The following ZFYVE9 variants were observed in gnomAD, a reference collection of about 807,000 sequenced individuals.
ZFYVE9 encodes the protein zinc finger FYVE domain-containing protein 9.
ZFYVE9 carries 43 observed loss-of-function variants against 126.7 expected under a neutral mutation model. The observed-to-expected ratio is 0.34, with a 90% CI of 0.27 to 0.44. The LOEUF (loss-of-function observed/expected upper bound fraction) is 0.44, where lower values mean the gene tolerates loss of function less well. ZFYVE9 is among the 20% of genes least tolerant of loss of function. The pLI is 1.00. For synonymous variants in ZFYVE9, 521 were observed against 597.4 expected (o/e 0.87, Z 1.87); for missense variants, 1,476 against 1,697.0 (o/e 0.87, Z 2.29).
At chr1:52,152,732 G>T (rs992978029) in intron 1 of ZFYVE9, among the ~76,000 whole-genome samples, 2 of 152,106 alleles carry the variant, frequency 1.3e-5, no homozygotes, top group Non-Finnish European at 2.9e-5. Context: ...TAACTTCTTT[G>T]TGCTTCAGTT....
intron 4 of ZFYVE9, among the ~76,000 whole-genome samples, chr1:52,249,438 A>G (rs1645422136): frequency 6.6e-6 from 1 of 152,148 alleles, no homozygotes; most frequent in Admixed American, 6.6e-5. Flanking sequence ...CTCTATATTA[A>G]AAATCTTTGG....
At chr1:52,322,543 A>G (rs994137206) in intron 13 of ZFYVE9, among the ~76,000 whole-genome samples, 2 of 150,286 alleles carry the variant, frequency 1.3e-5, no homozygotes, top group Non-Finnish European at 1.5e-5. Flanking sequence ...ATGCCCGGCT[A>G]ATTTTTGTGT....
chr1:52,227,627 TA>T (rs1173621048), intron 2 of ZFYVE9, among the ~76,000 whole-genome samples: 1 of 152,246 alleles, frequency 6.6e-6, no homozygotes, highest in Non-Finnish European at 1.5e-5. Flanking sequence ...AAAACACTGT[TA>T]AAACTCATAG....
At chr1:52,152,140 C>A (rs1644363668) in intron 1 of ZFYVE9, among the ~76,000 whole-genome samples, 1 of 152,194 alleles carries the variant, frequency 6.6e-6, no homozygotes, top group South Asian at 2.1e-4. Flanking sequence ...CAGGCATGCA[C>A]CACCATGTCT....
chr1:52,335,363 A>G (rs897353370), intron 15 of ZFYVE9, among the ~76,000 whole-genome samples: 1 of 152,222 alleles, frequency 6.6e-6, no homozygotes, highest in Non-Finnish European at 1.5e-5. Flanking sequence ...ACACTGCTTC[A>G]TGATGTTTGG....
At chr1:52,269,393 G>T (rs1002091087) in intron 7 of ZFYVE9, among the ~76,000 whole-genome samples, 1 of 152,022 alleles carries the variant, frequency 6.6e-6, no homozygotes, top group Non-Finnish European at 1.5e-5. Context: ...GCCTCCCAAA[G>T]TGCTAGGATT....
At chr1:52,234,941 C>G (rs887085712) in intron 3 of ZFYVE9, among the ~76,000 whole-genome samples, 7 of 152,176 alleles carry the variant, frequency 4.6e-5, no homozygotes, top group Non-Finnish European at 7.3e-5. Flanking sequence ...TACTATGCTT[C>G]TAGAATACCA....
At chr1:52,173,889 C>T (rs925707949) in intron 1 of ZFYVE9, among the ~76,000 whole-genome samples, 6 of 152,006 alleles carry the variant, frequency 3.9e-5, no homozygotes, top group South Asian at 2.1e-4. Flanking sequence ...TGATTCTTCC[C>T]TCTTTTTTTC....
chr1:52,184,727 G>A (rs1644748662), intron 1 of ZFYVE9, among the ~76,000 whole-genome samples: 1 of 152,044 alleles, frequency 6.6e-6, no homozygotes, highest in Non-Finnish European at 1.5e-5. Context: ...AGCTGCTAAT[G>A]TTCAGTGTAA....
At chr1:52,159,053 A>G (rs1246116627) in intron 1 of ZFYVE9, among the ~76,000 whole-genome samples, 1 of 152,124 alleles carries the variant, frequency 6.6e-6, no homozygotes, top group African/African-American at 2.4e-5. Flanking sequence ...CGGCCTCCCA[A>G]ACTGCTGGGA....
chr1:52,255,981 T>TTCCTTCCTTCC (rs1645512686), intron 4 of ZFYVE9, among the ~76,000 whole-genome samples: 29 of 115,688 alleles, frequency 2.5e-4, no homozygotes, highest in African/African-American at 9.9e-4. Context: ...TCTTTCTTTC[T>TTCCTTCCTTCC]TTCCTTCCTT....
intron 4 of ZFYVE9, among the ~76,000 whole-genome samples, chr1:52,255,601 AG>A (rs1645497503): frequency 6.8e-6 from 1 of 146,958 alleles, no homozygotes; most frequent in Non-Finnish European, 1.5e-5. Context: ...AAAAAAAAAA[AG>A]TAATTTTAGG....
chr1:52,346,014 C>G lies in ZFYVE9; in HGVS notation c.4117-46C>G, dbSNP rs1250120658. On this transcript the variant is annotated intron_variant, in intron 18 of 18. Transcript: ENST00000287727. The stretch of plus-strand genomic sequence containing the variant: ...CTCCTTGCCCTCAGCCCTGGAGAGG[C>G]CTTCTCTGTTCAGTAACCTCTCCTC... 4.0e-6 allele frequency: 6 copies of G among 1,511,158 alleles called. No individual in the cohort carries two copies. In the Admixed American group the frequency reaches 8.4e-5, roughly 21 times the overall value. 93.6% of individuals were successfully genotyped at this position (1,511,158 alleles called of 1,614,324 possible).
chr1:52,168,135 T>G (rs1395876654), intron 1 of ZFYVE9, among the ~76,000 whole-genome samples: 1 of 151,584 alleles, frequency 6.6e-6, no homozygotes, highest in Non-Finnish European at 1.5e-5. Flanking sequence ...AAATCTGTCA[T>G]AAAGCAAATT....
At chr1:52,244,817 T>G (rs985249411) in intron 4 of ZFYVE9, among the ~76,000 whole-genome samples, 3 of 152,204 alleles carry the variant, frequency 2.0e-5, no homozygotes, top group African/African-American at 7.2e-5. Context: ...TCTGTGCTAC[T>G]ACCTGTCTAC....
At chr1:52,184,745 G>A (rs1644748792) in intron 1 of ZFYVE9, among the ~76,000 whole-genome samples, 1 of 152,066 alleles carries the variant, frequency 6.6e-6, no homozygotes, top group African/African-American at 2.4e-5. Context: ...TAAAAGAATT[G>A]AAAAACTGAG....
intron 1 of ZFYVE9, among the ~76,000 whole-genome samples, chr1:52,158,274 A>G (rs890514415): frequency 6.6e-6 from 1 of 152,142 alleles, no homozygotes; most frequent in African/African-American, 2.4e-5. Context: ...AATTCTTGCC[A>G]TTCTTTTGGG....
intron 12 of ZFYVE9, among the ~76,000 whole-genome samples, chr1:52,300,173 C>G (rs1055808853): frequency 6.6e-6 from 1 of 152,130 alleles, no homozygotes; most frequent in African/African-American, 2.4e-5. Flanking sequence ...CACAGCCACT[C>G]CAGTTGAAAT....
chr1:52,177,779 G>T (rs1446391824), intron 1 of ZFYVE9, among the ~76,000 whole-genome samples: 1 of 152,184 alleles, frequency 6.6e-6, no homozygotes, highest in East Asian at 1.9e-4. Context: ...GGGCACAAAC[G>T]TGTAGCAGTA....
Sources: gnomAD v4.1 joint callset for allele counts (sites outside exome capture counted in the v4.1 genomes callset) on GRCh38, gnomAD v4.1.1 for gene constraint, MANE v1.5 for transcripts, NCBI Gene and HGNC (gene_info 2026-07-23, HGNC 2026-07-21) for gene names.